Variants in RADIL observed in about 807,000 individuals in gnomAD.
RADIL encodes ras-associating and dilute domain-containing protein.
A neutral mutation model predicts 97.6 loss-of-function variants in RADIL; 99 were observed. The ratio of observed to expected loss-of-function variants is 1.01; its 90% CI spans 0.86 to 1.20. The LOEUF is 1.20. Among genes scored for constraint, RADIL ranks in the 50% most tolerant of loss-of-function variants. The pLI is 0.00. For synonymous variants in RADIL, 803 were observed against 691.8 expected (o/e 1.16, Z -2.52); for missense variants, 1,765 against 1,498.9 (o/e 1.18, Z -2.93).
In RADIL at chr7:4,867,725, C is replaced by T. The variant is rs192971614; in HGVS notation, c.535+9880G>A. On this transcript the variant is annotated intron_variant, in intron 2 of 14. Transcript: ENST00000399583. The surrounding 1 kb of genome is among the most constrained non-coding windows in gnomAD (Gnocchi z 4.1). ...CCCACTTAGGTAAATTAAACATATA[C>T]AAAATATTATTTATGTATTAAGGAT... is the stretch of plus-strand genomic sequence containing the variant. Among the ~76,000 whole-genome samples, 18 of 152,096 alleles carry T rather than the reference C, an allele frequency of 1.2e-4. No individual in the cohort carries two copies. Among genetic ancestry groups the T allele is most frequent in the African/African-American group, 3.6e-4 (15 of 41,496 alleles).
At chr7:4,865,955 G>T (rs975368676) in intron 2 of RADIL, among the ~76,000 whole-genome samples, 1 of 152,072 alleles carries the variant, frequency 6.6e-6, no homozygotes, top group Non-Finnish European at 1.5e-5. Flanking sequence ...GGAGCAATAG[G>T]CTATGCCATA....
chr7:4,837,227 C>T lies in RADIL; in HGVS notation c.536-622G>A, dbSNP rs1051249660. On this transcript the variant is annotated intron_variant, in intron 2 of 14. Transcript: ENST00000399583. The surrounding 1 kb of genome is among the most constrained non-coding windows in gnomAD (Gnocchi z 5.6). ...GCCCAGGGTCACACCGCGGCCTGCC[C>T]GACCAGCCAGCACCACGGCCCACAG... 3.3e-5 allele frequency among the ~76,000 whole-genome samples: 5 copies of T among 152,196 alleles called. No individual in the cohort carries two copies. Among genetic ancestry groups the T allele is most frequent in the African/African-American group, 9.7e-5 (4 of 41,448 alleles).
chr7:4,877,970 G>C lies in RADIL; in HGVS notation c.170C>G (p.Thr57Ser). The C allele has an allele frequency of 6.2e-7, 1 of 1,611,800 alleles. No homozygotes were observed. Among genetic ancestry groups the C allele is most frequent in the Non-Finnish European group, 8.5e-7 (1 of 1,179,954 alleles). ...CAGGACACCAGGGGCCGACAGCTGG[G>C]TGGAGAGCTCGGCGGGGTCATCGCT... is the stretch of plus-strand genomic sequence containing the variant. ...GASDDPAELS[T>S]QLSAPGVLKV... is the part of the protein sequence containing the mutation. The change falls in exon 2 of 15, where the codon ACC (threonine) becomes AGC (serine). Residue 57 changes from threonine to serine, a missense_variant. By Grantham distance (58) the Thr-to-Ser change is moderately conservative. Transcript: ENST00000399583.
chr7:4,829,187 C>A (rs1189607185), intron 5 of RADIL, among the ~76,000 whole-genome samples: 1 of 152,226 alleles, frequency 6.6e-6, no homozygotes, highest in African/African-American at 2.4e-5. Flanking sequence ...CACCTCCTTG[C>A]CGTGGGTCAG....
chr7:4,801,254 A>G (rs528147860), intron 12 of RADIL, among the ~76,000 whole-genome samples: 49 of 152,320 alleles, frequency 3.2e-4, no homozygotes, highest in African/African-American at 1.2e-3. Context: ...ACGCACAAGC[A>G]CACAGGCACA....
chr7:4,816,595 G>A, intron 7 of RADIL, 130 bp from the exon 8 acceptor site: 1 of 719,716 alleles, frequency 1.4e-6, no homozygotes, highest in Non-Finnish European at 2.4e-6. Context: ...GCTTCCTGCT[G>A]GACAGGCCAT....
intron 12 of RADIL, among the ~76,000 whole-genome samples, chr7:4,800,716 G>A (rs1347624926): frequency 6.6e-6 from 1 of 152,186 alleles, no homozygotes; most frequent in African/African-American, 2.4e-5. Context: ...CGGGGCCCCA[G>A]GCCCTAGCCC....
chr7:4,815,367 C>G lies in RADIL; in HGVS notation c.2050G>C (p.Ala684Pro). ...TGCTCTCCAGCCGCCCCGAAGCCGG[C>G]GCTCCGCATCCACTCCAGGAGCTGC... ...LQQLLEWMRS[A>P]GFGAAGEHFF... The change falls in exon 9 of 15, where the codon GCC becomes CCC. Residue 684 changes from alanine to proline, a missense_variant. Physicochemically the swap from Ala to Pro is conservative, Grantham distance 27. Transcript: ENST00000399583. The surrounding 1 kb of genome is among the most constrained non-coding windows in gnomAD (Gnocchi z 8.0). 1 of 1,560,234 alleles carries G rather than the reference C, an allele frequency of 6.4e-7. No individual in the cohort carries two copies. The highest frequency in any genetic ancestry group is 8.7e-7 in the Non-Finnish European group (1 of 1,152,896).
At chr7:4,805,464 C>T (rs1286091330) in intron 10 of RADIL, 102 bp downstream of exon 10, 56 of 1,393,660 alleles carry the variant, frequency 4.0e-5, no homozygotes, top group Non-Finnish European at 4.7e-5. Context: ...AGAGAGGTCC[C>T]CCACACCCCA....
chr7:4,861,832 G>C, intron 2 of RADIL: 1 of 1,256,760 alleles, frequency 8.0e-7, no homozygotes, highest in South Asian at 1.9e-5. Context: ...CGCCCCGCCA[G>C]GGCACGTCCC....
At chr7:4,864,262 T>A (rs1784085483) in intron 2 of RADIL, among the ~76,000 whole-genome samples, 1 of 152,188 alleles carries the variant, frequency 6.6e-6, no homozygotes. Context: ...ATACTCTTTG[T>A]CTTCCACATG....
rs542569943 is a variant in RADIL at position 4,866,398 on chromosome 7, G to A, written c.535+11207C>T. Among the ~76,000 whole-genome samples the A allele has an allele frequency of 1.6e-4, 24 of 152,180 alleles. No individual in the cohort carries two copies. In the East Asian group the frequency reaches 2.1e-3, roughly 13 times the overall value. On this transcript the variant is annotated intron_variant, in intron 2 of 14. Transcript: ENST00000399583. ...TTTTGTCTATTGCAACATATCCAGC[G>A]CCTAATCAAATACCTAACACAGAGT...
intron 12 of RADIL, among the ~76,000 whole-genome samples, chr7:4,800,720 C>G (rs1782054740): frequency 6.6e-6 from 1 of 152,194 alleles, no homozygotes; most frequent in Non-Finnish European, 1.5e-5. Flanking sequence ...GCCCCAGGCC[C>G]TAGCCCAGCC....
At chr7:4,847,292 A>G (rs1783596372) in intron 2 of RADIL, among the ~76,000 whole-genome samples, 1 of 152,202 alleles carries the variant, frequency 6.6e-6, no homozygotes, top group South Asian at 2.1e-4. Flanking sequence ...ATGCACTGCA[A>G]CTGGGCAACA....
At chr7:4,865,730 A>T in intron 2 of RADIL, 1 of 1,077,980 alleles carries the variant, frequency 9.3e-7, no homozygotes, top group South Asian at 1.2e-5. Context: ...GGGTGGGTGC[A>T]ATCAAGAGTG....
chr7:4,868,123 C>T (rs1322109469), intron 2 of RADIL, among the ~76,000 whole-genome samples: 3 of 152,162 alleles, frequency 2.0e-5, no homozygotes, highest in Admixed American at 6.5e-5. Flanking sequence ...AGTGCAGTGG[C>T]ATGATCTCGG....
Position 4,842,550 on chromosome 7 carries a change from T to A in RADIL, c.536-5945A>T, listed in dbSNP as rs1783466153. On this transcript the variant is annotated intron_variant, in intron 2 of 14. Transcript: ENST00000399583. This position sits in a 1 kb window ranked among gnomAD's most constrained non-coding sequence, Gnocchi z 4.5. ...TGCACAGGGAAACTGGACAAGCAGC[T>A]GGTGACCGTCACCAGCTCCCACGGA... 6.6e-6 allele frequency among the ~76,000 whole-genome samples: 1 copy of A among 152,084 alleles called. No homozygotes were observed. Among genetic ancestry groups the A allele is most frequent in the Non-Finnish European group, 1.5e-5 (1 of 68,020 alleles).
chr7:4,812,821 C>T (rs1782581679), intron 9 of RADIL, among the ~76,000 whole-genome samples: 1 of 152,212 alleles, frequency 6.6e-6, no homozygotes, highest in Non-Finnish European at 1.5e-5. Flanking sequence ...TCCGTCATCT[C>T]CTCTGCTTTC....
intron 2 of RADIL, among the ~76,000 whole-genome samples, chr7:4,850,181 C>A (rs1185047398): frequency 7.8e-6 from 1 of 128,508 alleles, no homozygotes. Context: ...TTTTTTTCTT[C>A]ATTCCTTTTA....
Sources: gnomAD v4.1 joint callset for allele counts (sites outside exome capture counted in the v4.1 genomes callset) on GRCh38, gnomAD v4.1.1 for gene constraint, Gnocchi (gnomAD v3.1) non-coding constraint, MANE v1.5 for transcripts, NCBI Gene and HGNC (gene_info 2026-07-23, HGNC 2026-07-21) for gene names.